SLC25A48: variants seen among roughly 807,000 people sequenced by gnomAD.
SLC25A48 encodes the protein CTC-321K16.1.
SLC25A48 carries 29 observed loss-of-function variants against 32.2 expected under a neutral mutation model. The observed-to-expected ratio is 0.90, with a 90% confidence interval of 0.67 to 1.23. The LOEUF (loss-of-function observed/expected upper bound fraction) is 1.23, where lower values mean the gene tolerates loss of function less well. Among genes scored for constraint, SLC25A48 ranks in the 50% most tolerant of loss-of-function variants. SLC25A48 has a pLI of 0.00. For missense variants in SLC25A48, 399 were observed against 422.7 expected, an observed-to-expected ratio of 0.94 and a Z score of 0.49; for synonymous variants, 164 against 172.3, an observed-to-expected ratio of 0.95 and a Z score of 0.38.
chr5:135,842,318 C>T, intron 1 of SLC25A48, 98 bp from the exon 2 acceptor site: 2 of 1,277,976 alleles, frequency 1.6e-6, no homozygotes, highest in Non-Finnish European at 2.3e-6. Flanking sequence ...CAGCAATTGA[C>T]CGTTGACTAA....
At chr5:135,638,660 G>A (rs1294509056) in intron 3 of SLC25A48, among the ~76,000 whole-genome samples, 2 of 152,226 alleles carry the variant, frequency 1.3e-5, no homozygotes, top group African/African-American at 2.4e-5. Flanking sequence ...TGAAGCATTA[G>A]TGGTGTGATT....
intron 3 of SLC25A48, among the ~76,000 whole-genome samples, chr5:135,778,919 GTACACC>G (rs1365998402): frequency 2.7e-5 from 4 of 145,868 alleles, no homozygotes; most frequent in African/African-American, 7.7e-5. Context: ...TGCAGGAGGT[GTACACC>G]TCCACTCATA....
intron 3 of SLC25A48, among the ~76,000 whole-genome samples, chr5:135,744,832 T>C (rs12187968): frequency 1.5e-3 from 225 of 151,628 alleles, no homozygotes; most frequent in African/African-American, 5.3e-3. Flanking sequence ...ACCTGAGGTC[T>C]GGAGTTCAAG....
chr5:135,732,865 T>C (rs1481705138), intron 3 of SLC25A48, among the ~76,000 whole-genome samples: 3 of 152,174 alleles, frequency 2.0e-5, no homozygotes, highest in Non-Finnish European at 2.9e-5. Flanking sequence ...TAGCTGCTTT[T>C]TTAGCTACCT....
intron 3 of SLC25A48, among the ~76,000 whole-genome samples, chr5:135,702,234 C>T (rs1310188805): frequency 6.6e-6 from 1 of 152,230 alleles, no homozygotes; most frequent in Non-Finnish European, 1.5e-5. Context: ...TAAATGTCAC[C>T]TTATTTGCAA....
intron 4 of SLC25A48, among the ~76,000 whole-genome samples, chr5:135,813,891 C>T (rs1195052903): frequency 6.6e-6 from 1 of 152,152 alleles, no homozygotes; most frequent in East Asian, 1.9e-4. Context: ...ACTGCACCAA[C>T]CCCCAAGCCG....
At chr5:135,729,408 G>A (rs960165104) in intron 3 of SLC25A48, among the ~76,000 whole-genome samples, 5 of 151,956 alleles carry the variant, frequency 3.3e-5, no homozygotes, top group Non-Finnish European at 7.4e-5. Flanking sequence ...CTTTCTAGTG[G>A]AAAGACCGCA....
intron 3 of SLC25A48, among the ~76,000 whole-genome samples, chr5:135,792,587 A>C (rs1399101579): frequency 2.0e-5 from 3 of 151,724 alleles, no homozygotes; most frequent in African/African-American, 7.3e-5. Flanking sequence ...TTACTCTCCT[A>C]ATGTCACTGT....
intron 3 of SLC25A48, among the ~76,000 whole-genome samples, chr5:135,674,030 T>C (rs1313224730): frequency 6.6e-6 from 1 of 152,102 alleles, no homozygotes; most frequent in East Asian, 1.9e-4. Context: ...ACCACATGTG[T>C]GGTTGGTCTA....
chr5:135,584,168 A>G (rs1019337991), intron 1 of SLC25A48, among the ~76,000 whole-genome samples: 11 of 152,246 alleles, frequency 7.2e-5, no homozygotes, highest in African/African-American at 2.2e-4. Flanking sequence ...TCCCCTAAAC[A>G]TGGGAGAAAA....
intron 2 of SLC25A48, among the ~76,000 whole-genome samples, chr5:135,845,925 G>C (rs1176691571): frequency 6.6e-6 from 1 of 152,160 alleles, no homozygotes; most frequent in African/African-American, 2.4e-5. Context: ...ATGCAGCGTG[G>C]CTAGGTTTTC....
chr5:135,680,780 C>G (rs895340938), intron 3 of SLC25A48, among the ~76,000 whole-genome samples: 7 of 152,174 alleles, frequency 4.6e-5, no homozygotes, highest in Middle Eastern at 3.2e-3. Flanking sequence ...GTGGGAACTA[C>G]GTTTCATGAT....
At chr5:135,661,710 C>A (rs1753400926) in intron 3 of SLC25A48, among the ~76,000 whole-genome samples, 1 of 152,154 alleles carries the variant, frequency 6.6e-6, no homozygotes, top group African/African-American at 2.4e-5. Flanking sequence ...CATATATAAA[C>A]AATAATGAAT....
At chr5:135,834,940 C>G in intron 1 of SLC25A48, 47 bp downstream of exon 1, 1 of 1,574,752 alleles carries the variant, frequency 6.4e-7, no homozygotes, top group Non-Finnish European at 8.6e-7. Flanking sequence ...GCGAGCCTGG[C>G]GGAGTTTGCC....
At chr5:135,783,461 G>T (rs190008918) in intron 3 of SLC25A48, among the ~76,000 whole-genome samples, 2 of 100,084 alleles carry the variant, frequency 2.0e-5, no homozygotes, top group Admixed American at 9.9e-5. Flanking sequence ...GATATTATTC[G>T]CACTATTGCA....
intron 3 of SLC25A48, among the ~76,000 whole-genome samples, chr5:135,724,006 G>A (rs555761958): frequency 1.3e-5 from 2 of 152,330 alleles, no homozygotes; most frequent in South Asian, 4.1e-4. Flanking sequence ...ATTTAAATAA[G>A]TGTCTTTGTT....
At position 135,706,979 on chromosome 5, in the gene SLC25A48, A is replaced by G. The variant is rs117639139; in HGVS notation, c.-521+72023A>G. 9.7e-4 allele frequency among the ~76,000 whole-genome samples: 148 copies of G among 152,330 alleles called. No homozygotes were observed. The East Asian group carries it at 0.018, about 19-fold the overall frequency. Reference sequence around the variant, plus strand: ...GGCCAGGTAGAGGAAAGCACAAAGAAGACATGGAAAATGCAGGAGGTGAGG... The same window carrying G: ...GGCCAGGTAGAGGAAAGCACAAAGAGGACATGGAAAATGCAGGAGGTGAGG... On this transcript the variant is annotated intron_variant, in intron 3 of 10. Transcript: ENST00000646290.
chr5:135,716,715 G>C (rs1462325810), intron 3 of SLC25A48, among the ~76,000 whole-genome samples: 1 of 152,184 alleles, frequency 6.6e-6, no homozygotes, highest in Admixed American at 6.5e-5. Context: ...GTAAAAGGTC[G>C]ATTAGGGCAA....
chr5:135,833,302 G>A (rs749268410), upstream of SLC25A48, among the ~76,000 whole-genome samples: 1 of 152,260 alleles, frequency 6.6e-6, no homozygotes, highest in South Asian at 2.1e-4. Flanking sequence ...GCCTGCCAAC[G>A]TAAGACCTCC....
Sources: gnomAD v4.1 joint callset for allele counts (sites outside exome capture counted in the v4.1 genomes callset) on GRCh38, gnomAD v4.1.1 for gene constraint, MANE v1.5 for transcripts, NCBI Gene and HGNC (gene_info 2026-07-23, HGNC 2026-07-21) for gene names.